Variants in DENND1A observed in about 807,000 individuals in gnomAD.
DENND1A encodes the protein DENN domain containing 1A.
In DENND1A, 51 loss-of-function variants were observed where a neutral mutation model predicts 113.7. That is an observed-to-expected ratio of 0.45 (90% CI 0.36 to 0.57). DENND1A has a LOEUF of 0.57. Among genes scored for constraint, DENND1A ranks in the 20% least tolerant of loss-of-function variants. The pLI, the probability that DENND1A is intolerant of heterozygous loss-of-function variation, is 0.00. For missense variants in DENND1A, 1,258 were observed against 1,395.9 expected, an observed-to-expected ratio of 0.90 and a Z score of 1.57; for synonymous variants, 565 against 570.8, an observed-to-expected ratio of 0.99 and a Z score of 0.14.
At chr9:123,791,106 T>G (rs1832930131) in intron 3 of DENND1A, among the ~76,000 whole-genome samples, 1 of 152,122 alleles carries the variant, frequency 6.6e-6, no homozygotes, top group Admixed American at 6.5e-5. Flanking sequence ...ACCCAGATGG[T>G]AACTATGCTA....
intron 19 of DENND1A, chr9:123,414,111 TCAGA>T (rs1003246721): frequency 1.7e-5 from 17 of 995,878 alleles, no homozygotes; most frequent in Admixed American, 1.1e-4. Flanking sequence ...CCTCTAGGGG[TCAGA>T]CAGTTTTGGA....
chr9:123,602,794 T>A (rs532116126), intron 11 of DENND1A, among the ~76,000 whole-genome samples: 1 of 152,262 alleles, frequency 6.6e-6, no homozygotes, highest in South Asian at 2.1e-4. Context: ...CTCAGCCTTC[T>A]GAGTAGCTGG....
chr9:123,490,576 A>G (rs1188993948), intron 13 of DENND1A, among the ~76,000 whole-genome samples: 1 of 152,090 alleles, frequency 6.6e-6, no homozygotes, highest in Non-Finnish European at 1.5e-5. Context: ...GTGACATAGC[A>G]AGACTCCATC....
At chr9:123,516,912 A>AAAAAAAAAAAAAAAAAAC (rs2053972391) in intron 13 of DENND1A, among the ~76,000 whole-genome samples, 1 of 116,212 alleles carries the variant, frequency 8.6e-6, no homozygotes, top group African/African-American at 2.9e-5. Context: ...AAAAAAAAAA[A>AAAAAAAAAAAAAAAAAAC]AAAAAAAGAA....
At chr9:123,550,672 G>A (rs1043687764) in intron 13 of DENND1A, among the ~76,000 whole-genome samples, 1 of 152,166 alleles carries the variant, frequency 6.6e-6, no homozygotes, top group Admixed American at 6.5e-5. Flanking sequence ...AATGTGTTTC[G>A]AGGGGGGTGT....
At position 123,792,387 on chromosome 9, in the gene DENND1A, G is replaced by A. The variant is rs190376081; in HGVS notation, c.132+200C>T. Among the ~76,000 whole-genome samples the A allele has an allele frequency of 5.3e-5, 8 of 152,188 alleles. No individual in the cohort carries two copies. The East Asian group carries it at 1.5e-3, about 29-fold the overall frequency. On this transcript the variant is annotated intron_variant, in intron 3 of 23. Coordinates refer to ENST00000394215, the MANE Select transcript of DENND1A (RefSeq NM_001352964.2). ...CTTATTTTGTGTTCATTTTCTCCCTGAAGGAAACACCCCAAATCTAGCACC... is the reference window on the plus strand; with the variant it reads ...CTTATTTTGTGTTCATTTTCTCCCTAAAGGAAACACCCCAAATCTAGCACC...
intron 5 of DENND1A, among the ~76,000 whole-genome samples, chr9:123,717,988 A>G (rs528938348): frequency 6.6e-6 from 1 of 152,224 alleles, no homozygotes; most frequent in Non-Finnish European, 1.5e-5. Context: ...AGCCCACAGA[A>G]GTCACAGTCA....
In DENND1A at chr9:123,413,893, C is replaced by T. The variant is rs75777155; in HGVS notation, c.1489-2064G>A. Reference sequence around the variant, plus strand: ...AGGTGATCAGGGAGAGGGGAGCCCACCCCCTCCACCGGTGCACAGGCTGCT... The same window carrying T: ...AGGTGATCAGGGAGAGGGGAGCCCATCCCCTCCACCGGTGCACAGGCTGCT... On this transcript the variant is annotated intron_variant, in intron 19 of 23. Coordinates refer to ENST00000394215, the MANE Select transcript of DENND1A (RefSeq NM_001352964.2). 3.4e-3 allele frequency: 3,383 copies of T among 985,412 alleles called. 86 individuals are homozygous for T. The African/African-American group carries it at 0.052, about 15-fold the overall frequency. The allele number at this position is 985,412 out of a possible 1,614,324, so 61.0% of individuals were successfully genotyped here.
intron 8 of DENND1A, among the ~76,000 whole-genome samples, chr9:123,659,847 T>C (rs2063141481): frequency 6.6e-6 from 1 of 152,228 alleles, no homozygotes. Context: ...AATTTTAAAT[T>C]AATCCTTGAA....
chr9:123,482,878 G>C lies in DENND1A; in HGVS notation c.994-24981C>G, dbSNP rs543163651. Among the ~76,000 whole-genome samples the C allele has an allele frequency of 2.0e-5, 3 of 152,328 alleles. No individual in the cohort carries two copies. The East Asian group carries it at 5.8e-4, about 29-fold the overall frequency. Reference sequence around the variant, plus strand: ...AGAGAGGCTGGAACAGGACAGCAGAGGGGGAGGGGCTCCAACCAAGCCTGG... The same window carrying C: ...AGAGAGGCTGGAACAGGACAGCAGACGGGGAGGGGCTCCAACCAAGCCTGG... On this transcript the variant is annotated intron_variant, in intron 13 of 23. Transcript: ENST00000394215.
intron 11 of DENND1A, among the ~76,000 whole-genome samples, chr9:123,593,723 A>G (rs2059564159): frequency 6.6e-6 from 1 of 152,142 alleles, no homozygotes; most frequent in Admixed American, 6.5e-5. Context: ...TAGCTTGTTA[A>G]TCAAAATTTT....
intron 5 of DENND1A, among the ~76,000 whole-genome samples, chr9:123,737,491 A>G (rs572480080): frequency 5.9e-5 from 9 of 152,280 alleles, no homozygotes; most frequent in Admixed American, 2.6e-4. Context: ...CCCAGCCTGA[A>G]CTCAGTTTTT....
At chr9:123,903,850 C>T (rs1455550049) in intron 1 of DENND1A, among the ~76,000 whole-genome samples, 2 of 152,104 alleles carry the variant, frequency 1.3e-5, no homozygotes, top group Non-Finnish European at 2.9e-5. Flanking sequence ...CCAGGAAGCT[C>T]GAACTGGGTG....
intron 5 of DENND1A, among the ~76,000 whole-genome samples, chr9:123,741,294 T>C (rs1404065484): frequency 6.6e-6 from 1 of 152,112 alleles, no homozygotes; most frequent in Non-Finnish European, 1.5e-5. Flanking sequence ...ATTTTACAAG[T>C]GATTAAAGTG....
At chr9:123,579,148 T>A (rs1284676175) in intron 12 of DENND1A, among the ~76,000 whole-genome samples, 1 of 152,222 alleles carries the variant, frequency 6.6e-6, no homozygotes, top group Non-Finnish European at 1.5e-5. Context: ...CCATAATTCA[T>A]CATCATCAGC....
At chr9:123,572,901 T>C (rs2058436815) in intron 12 of DENND1A, among the ~76,000 whole-genome samples, 1 of 152,294 alleles carries the variant, frequency 6.6e-6, no homozygotes, top group South Asian at 2.1e-4. Flanking sequence ...CTCATATTTT[T>C]TTTCTAGTCA....
chr9:123,843,823 A>T (rs1183937176), intron 2 of DENND1A: 1 of 152,890 alleles, frequency 6.5e-6, no homozygotes, highest in Non-Finnish European at 1.5e-5. Flanking sequence ...TAGCTTTTTA[A>T]ACCATGAAAC....
intron 12 of DENND1A, among the ~76,000 whole-genome samples, chr9:123,581,624 C>T (rs540025207): frequency 1.5e-4 from 20 of 136,188 alleles, no homozygotes; most frequent in African/African-American, 5.1e-4. Context: ...GACACTGTTT[C>T]AAAAAAAAAA....
chr9:123,848,561 AC>A (rs567843565), intron 2 of DENND1A, among the ~76,000 whole-genome samples: 20 of 152,126 alleles, frequency 1.3e-4, no homozygotes, highest in Non-Finnish European at 2.9e-4. Flanking sequence ...AATAATATTG[AC>A]ATTAAGCCCA....
Sources: gnomAD v4.1 joint callset for allele counts (sites outside exome capture counted in the v4.1 genomes callset) on GRCh38, gnomAD v4.1.1 for gene constraint, MANE v1.5 for transcripts, NCBI Gene and HGNC (gene_info 2026-07-23, HGNC 2026-07-21) for gene names.